BCAR1: variants seen among roughly 807,000 people sequenced by gnomAD.
BCAR1 encodes the protein BCAR1 scaffold protein, Cas family member.
In BCAR1, 30 loss-of-function variants were observed where a neutral mutation model predicts 67.6. That is an observed-to-expected ratio of 0.44 (90% CI 0.33 to 0.60). The LOEUF is 0.60. Among genes scored for constraint, BCAR1 ranks in the 20% least tolerant of loss-of-function variants. The pLI, the probability that BCAR1 is intolerant of heterozygous loss-of-function variation, is 0.02. For synonymous variants in BCAR1, 626 were observed against 556.7 expected, an observed-to-expected ratio of 1.12 and a Z score of -1.75; for missense variants, 1,313 against 1,222.3, an observed-to-expected ratio of 1.07 and a Z score of -1.11.
At chr16:75,251,960 C>T (rs1021315265), upstream of BCAR1, 9 of 582,358 alleles carry the variant, frequency 1.5e-5, no homozygotes, top group Non-Finnish European at 2.7e-5. Flanking sequence ...GCCCGGTTTG[C>T]CTTCTTCCTC....
rs2076813125 is a variant in BCAR1, at chr16:75,229,390, C to G, written c.*121G>C. 7 of 1,369,442 alleles carry G rather than the reference C, an allele frequency of 5.1e-6. No individual in the cohort carries two copies. The highest frequency in any genetic ancestry group is 6.7e-6 in the Non-Finnish European group (7 of 1,041,556). 84.8% of individuals were successfully genotyped at this position (1,369,442 alleles called of 1,614,324 possible). A position where few individuals can be genotyped will look rare whatever the true frequency, so the allele number is the denominator to read the frequency against. On this transcript the variant is annotated 3_prime_UTR_variant, in exon 7 of 7. Transcript: ENST00000162330. ...ACAGATTCCTGGGCATCCAGGGCAC[C>G]AGGACCGACGCAGAGCTGGGGTCCT...
At chr16:75,230,587 G>A (rs2076870273) in intron 6 of BCAR1, among the ~76,000 whole-genome samples, 1 of 152,130 alleles carries the variant, frequency 6.6e-6, no homozygotes, top group Admixed American at 6.5e-5. Flanking sequence ...TCATCTTCCA[G>A]AACCACACAC....
intron 1 of BCAR1, chr16:75,266,236 G>C (rs992461367): frequency 5.5e-5 from 10 of 180,592 alleles, no homozygotes; most frequent in African/African-American, 2.4e-4. Context: ...GGGCTCCTAG[G>C]CCCTGTGTCC....
chr16:75,266,010 G>C (rs2078003440), intron 1 of BCAR1: 5 of 1,026,760 alleles, frequency 4.9e-6, no homozygotes, highest in Non-Finnish European at 5.8e-6. Context: ...CCGCGCATGC[G>C]CCGCCCGCGC....
Position 75,235,175 on chromosome 16 carries a change from T to C in BCAR1, c.1724A>G (p.Asp575Gly). The change falls in exon 5 of 7, where the codon GAC (aspartate) becomes GGC (glycine). Residue 575 changes from aspartate (D) to glycine (G), a missense_variant. This residue lies in a region of BCAR1 where 1,272 missense variants were observed against 1,137.5 expected (regional missense o/e 1.12). Coordinates refer to ENST00000162330, the MANE Select transcript of BCAR1 (RefSeq NM_014567.5). ...GRGGSGATLE[D>G]LDRLVACSRA... ...CGAGCAGGCCACCAGCCGGTCCAGGTCCTCAAGGGTGGCTCCAGAGCCTCC... is the reference window on the plus strand; with the variant it reads ...CGAGCAGGCCACCAGCCGGTCCAGGCCCTCAAGGGTGGCTCCAGAGCCTCC... The C allele has an allele frequency of 1.2e-6, 2 of 1,608,806 alleles. No homozygotes were observed. Among genetic ancestry groups the C allele is most frequent in the Non-Finnish European group, 1.7e-6 (2 of 1,179,688 alleles).
At chr16:75,247,746 C>T in intron 1 of BCAR1, 1 of 419,914 alleles carries the variant, frequency 2.4e-6, no homozygotes, top group East Asian at 4.7e-5. Context: ...GCAGGTATCA[C>T]TGCTGACCAA....
rs539867192 is a variant in BCAR1 at position 75,266,029 on chromosome 16, C to A, written c.66+1886G>T. The A allele has an allele frequency of 1.9e-4, 192 of 1,029,758 alleles. 3 individuals are homozygous for A. In the East Asian group the frequency reaches 0.013, roughly 72 times the overall value. 63.8% of individuals were successfully genotyped at this position (1,029,758 alleles called of 1,614,324 possible). A position where few individuals can be genotyped will look rare whatever the true frequency, so the allele number is the denominator to read the frequency against. On this transcript the variant is annotated intron_variant, in intron 1 of 6. Coordinates refer to the BCAR1 transcript ENST00000393422. ...GCATGCGCCGCCCGCGCCGCCCCCC[C>A]CACCGTCTCCGCGGCCAGGGACGCG...
upstream of BCAR1, chr16:75,252,027 C>A (rs2077693381): frequency 5.9e-6 from 4 of 683,000 alleles, no homozygotes; most frequent in South Asian, 1.9e-5. Context: ...AACCCCAGGG[C>A]ATTCATCGCG....
intron 6 of BCAR1, among the ~76,000 whole-genome samples, chr16:75,231,501 T>A (rs1470293992): frequency 6.6e-6 from 1 of 152,240 alleles, no homozygotes; most frequent in Non-Finnish European, 1.5e-5. Flanking sequence ...TTTCAGATTC[T>A]TCACCGATAC....
intron 1 of BCAR1, chr16:75,264,722 T>C: frequency 8.8e-7 from 1 of 1,135,054 alleles, no homozygotes. Flanking sequence ...GGATAGTTAA[T>C]GAAGAGGCCA....
At position 75,243,033 on chromosome 16, in the gene BCAR1, A is replaced by T; in HGVS notation, c.70T>A (p.Phe24Ile). The T allele has an allele frequency of 2.5e-6, 4 of 1,610,710 alleles. No homozygotes were observed. The highest frequency in any genetic ancestry group is 3.4e-6 in the Non-Finnish European group (4 of 1,177,522). Residue 24 changes from phenylalanine to isoleucine, a missense_variant, in exon 2 of 7, where the codon TTC (phenylalanine) becomes ATC (isoleucine). By Grantham distance (21) the Phe-to-Ile change is conservative. Transcript: ENST00000162330. The stretch of plus-strand genomic sequence containing the variant: ...ACCGTCATGATGTCACCCTTGCGGA[A>T]GGAGAGCTCATCCGGGGACTCGGCC... ...NVAESPDELS[F>I]RKGDIMTVLE... is the part of the protein sequence containing the mutation.
chr16:75,234,788 G>A (rs1002268448), intron 5 of BCAR1, 101 bp downstream of exon 5: 1 of 1,482,084 alleles, frequency 6.7e-7, no homozygotes, highest in African/African-American at 1.4e-5. Context: ...AGGGTGCAGG[G>A]CCTTGCCAGG....
chr16:75,233,208 A>G (rs1363736375), intron 6 of BCAR1, among the ~76,000 whole-genome samples: 1 of 152,110 alleles, frequency 6.6e-6, no homozygotes. Context: ...CTTTGTCTCT[A>G]TAAAAAATAT....
At position 75,236,905 on chromosome 16, in the gene BCAR1, G is replaced by A. The variant is rs767337068; in HGVS notation, c.889C>T (p.Leu297=). The A allele has an allele frequency of 1.9e-6, 3 of 1,612,446 alleles. No homozygotes were observed. The highest frequency in any genetic ancestry group is 8.5e-7 in the Non-Finnish European group (1 of 1,179,310). The change falls in exon 4 of 7, where the codon CTG becomes TTG. Residue 297 remains leucine, a synonymous_variant. Coordinates refer to ENST00000162330, the MANE Select transcript of BCAR1 (RefSeq NM_014567.5). ...YDVPPSVEKG[L]PPSNHHAVYD... ...ACTGCGTGGTGGTTGGACGGTGGCA[G>A]GCCCTTCTCCACACTGGGGGGCACG...
intron 1 of BCAR1, chr16:75,248,104 C>T (rs1473545020): frequency 6.3e-7 from 1 of 1,597,736 alleles, no homozygotes; most frequent in African/African-American, 1.3e-5. Context: ...CCTGACAGCC[C>T]AGGGTCACTG....
Position 75,229,658 on chromosome 16 carries a change from G to A in BCAR1, c.2466C>T (p.Leu822=). The A allele has an allele frequency of 6.2e-7, 1 of 1,612,880 alleles. No homozygotes were observed. Residue 822 remains leucine (L), a synonymous_variant, in exon 7 of 7, where the codon CTC becomes CTT. Coordinates refer to ENST00000162330, the MANE Select transcript of BCAR1 (RefSeq NM_014567.5). ...VTHYSNLLCD[L]LRGIVATTKA... ...TGGTGGTGGCCACGATGCCGCGCAG[G>A]AGGTCGCACAGCAGGTTGCTGTAGT...
intron 2 of BCAR1, chr16:75,238,269 G>C (rs1001220978): frequency 1.7e-6 from 2 of 1,160,956 alleles, no homozygotes; most frequent in Non-Finnish European, 2.2e-6. Context: ...AGGCCTCCCT[G>C]GTGGGATTCT....
chr16:75,258,260 C>T (rs2151475494), intron 1 of BCAR1, among the ~76,000 whole-genome samples: 1 of 152,374 alleles, frequency 6.6e-6, no homozygotes, highest in East Asian at 1.9e-4. Flanking sequence ...CATCCCTCAC[C>T]TTCCCTGAAA....
At chr16:75,265,612 G>A (rs1038922641) in intron 1 of BCAR1, among the ~76,000 whole-genome samples, 2 of 152,018 alleles carry the variant, frequency 1.3e-5, no homozygotes, top group Non-Finnish European at 2.9e-5. Context: ...GCCCGATCCA[G>A]CTCTCCTGAA....
Sources: allele counts gnomAD v4.1 joint callset (sites outside exome capture counted in the v4.1 genomes callset), GRCh38; gene constraint gnomAD v4.1.1; regional missense constraint gnomAD v4.1.1; transcripts MANE v1.5; gene names NCBI Gene and HGNC (gene_info 2026-07-23, HGNC 2026-07-21).